FYCO1: variants seen among roughly 807,000 people sequenced by gnomAD.
The protein encoded by FYCO1 is FYVE and coiled-coil domain autophagy adaptor 1, also known as FYVE and coiled-coil domain-containing protein 1.
Under a neutral mutation model 165.1 loss-of-function variants are expected in FYCO1, and 122 were observed. The observed-to-expected ratio is 0.74, with a 90% CI of 0.64 to 0.86. FYCO1 has a LOEUF of 0.86. FYCO1 is among the 40% of genes least tolerant of loss of function. The probability of loss-of-function intolerance (pLI) is 0.00; values close to 1 mark genes in which losing one functional copy is unlikely to be tolerated. For missense variants in FYCO1, 1,702 were observed against 1,810.3 expected (o/e 0.94, Z 1.09); for synonymous variants, 648 against 742.5 (o/e 0.87, Z 2.07).
At chr3:45,947,033 C>G in intron 14 of FYCO1, 1 of 1,614,202 alleles carries the variant, frequency 6.2e-7, no homozygotes, top group Non-Finnish European at 8.5e-7. Context: ...GTTACCATGA[C>G]GAGGCAATTT....
At position 45,964,667 on chromosome 3, in the gene FYCO1, G is replaced by T; in HGVS notation, c.3151-213C>A. On this transcript the variant is annotated intron_variant, in intron 9 of 17. Coordinates refer to ENST00000296137, the MANE Select transcript of FYCO1 (RefSeq NM_024513.4). This position sits in a 1 kb window ranked among gnomAD's most constrained non-coding sequence, Gnocchi z 4.1. The stretch of plus-strand genomic sequence containing the variant: ...GGTGGTTGGCAAGTGGCAGGTACCA[G>T]AATTCCCAGGGTAACACTGAAGGTA... 2.3e-6 allele frequency: 1 copy of T among 432,966 alleles called. No homozygotes were observed. Among genetic ancestry groups the T allele is most frequent in the Non-Finnish European group, 3.1e-6 (1 of 324,644 alleles). The allele number at this position is 432,966 out of a possible 1,614,324, so 26.8% of individuals were successfully genotyped here. A position where few individuals can be genotyped will look rare whatever the true frequency, so the allele number is the denominator to read the frequency against.
At chr3:45,923,239 T>C (rs759697637) in intron 17 of FYCO1, among the ~76,000 whole-genome samples, 1 of 152,246 alleles carries the variant, frequency 6.6e-6, no homozygotes, top group African/African-American at 2.4e-5. Context: ...TTTCTCCCTT[T>C]CTCGTTCATT....
intron 8 of FYCO1, 50 bp from the exon 9 acceptor site, chr3:45,965,175 G>A (rs1705933972): frequency 7.0e-7 from 1 of 1,437,820 alleles, no homozygotes; most frequent in Non-Finnish European, 9.8e-7. Flanking sequence ...TCCTTGCTCT[G>A]AGGATCCCTC....
Position 45,968,521 on chromosome 3 carries a change from C to T in FYCO1, c.813G>A (p.Gly271=). 1.2e-6 allele frequency: 2 copies of T among 1,614,028 alleles called. No homozygotes were observed. Among genetic ancestry groups the T allele is most frequent in the Non-Finnish European group, 1.7e-6 (2 of 1,180,024 alleles). Residue 271 remains glycine (G), a synonymous_variant, in exon 8 of 18, where the codon GGG becomes GGA. Coordinates refer to ENST00000296137, the MANE Select transcript of FYCO1 (RefSeq NM_024513.4). ...QELRAAVSQQ[G]EQLQTERERG... is the part of the protein sequence containing the mutation. ...TCTCCCTCTCTGTCTGCAGTTGCTC[C>T]CCTTGCTGGCTGACAGCTGCCCTCA...
rs749911545 is a variant in FYCO1, at chr3:45,958,436, T to C, written c.3771A>G (p.Ser1257=). The C allele has an allele frequency of 6.2e-7, 1 of 1,612,684 alleles. No individual in the cohort carries two copies. Residue 1257 remains serine, a synonymous_variant, in exon 13 of 18, where the codon TCA becomes TCG. Transcript: ENST00000296137. ...GGCCTCCTGTGGCCTGGGGCCCAGGTGAGGCTGGTGACAGTGCAGGGCTGG... is the reference window on the plus strand; with the variant it reads ...GGCCTCCTGTGGCCTGGGGCCCAGGCGAGGCTGGTGACAGTGCAGGGCTGG... The part of the protein sequence containing the change: ...GEPSPALSPA[S]PGPQATGGQG...
At chr3:45,931,370 G>C in intron 15 of FYCO1, 89 bp from the exon 16 acceptor site, 1 of 1,179,392 alleles carries the variant, frequency 8.5e-7, no homozygotes, top group East Asian at 2.5e-5. Flanking sequence ...GAGGTGGCTG[G>C]AGACTTCGGA....
At chr3:45,952,916 T>C (rs955917533) in intron 14 of FYCO1, among the ~76,000 whole-genome samples, 3 of 152,088 alleles carry the variant, frequency 2.0e-5, no homozygotes, top group East Asian at 1.9e-4. Context: ...CCAGGGACCA[T>C]TGAGCCATGG....
Position 45,966,379 on chromosome 3 carries a change from T to C in FYCO1, c.2955A>G (p.Ala985=), listed in dbSNP as rs1382134548. ...CTTGGAGGCTCTGGGCCCGCTGCTCTGCCTGGGCGAGCTGGGCCTGCAGGC... is the reference window on the plus strand; with the variant it reads ...CTTGGAGGCTCTGGGCCCGCTGCTCCGCCTGGGCGAGCTGGGCCTGCAGGC... ...LPGLQAQLAQ[A]EQRAQSLQEA... is the part of the protein sequence containing the mutation. The change falls in exon 8 of 18, where the codon GCA becomes GCG. Residue 985 remains alanine, a synonymous_variant. Transcript: ENST00000296137. 6 of 1,614,044 alleles carry C rather than the reference T, an allele frequency of 3.7e-6. No individual in the cohort carries two copies. The South Asian group carries it at 4.4e-5, about 12-fold the overall frequency.
chr3:45,938,336 A>C, intron 14 of FYCO1: 2 of 778,004 alleles, frequency 2.6e-6, no homozygotes, highest in South Asian at 2.8e-5. Flanking sequence ...TTTCTTTTCA[A>C]TAGGTTTTCA....
intron 13 of FYCO1, among the ~76,000 whole-genome samples, chr3:45,956,254 T>C (rs1705311485): frequency 6.6e-6 from 1 of 151,926 alleles, no homozygotes; most frequent in South Asian, 2.1e-4. Context: ...GAGAATCACA[T>C]GAACCCAGGA....
chr3:45,930,120 T>C (rs1348559773), intron 16 of FYCO1, among the ~76,000 whole-genome samples: 1 of 152,240 alleles, frequency 6.6e-6, no homozygotes, highest in East Asian at 1.9e-4. Context: ...TCTTGCAAAA[T>C]GGAGATTTCT....
chr3:45,921,619 C>A lies in FYCO1; in HGVS notation c.*146G>T, dbSNP rs1559436741. Reference sequence around the variant, plus strand: ...CGGTGCAGAGTGCTGAGCACAAAGTCCTCCCCAGACACCGCCTCTGAGGGG... The same window carrying A: ...CGGTGCAGAGTGCTGAGCACAAAGTACTCCCCAGACACCGCCTCTGAGGGG... On this transcript the variant is annotated 3_prime_UTR_variant, in exon 18 of 18. Coordinates refer to ENST00000296137, the MANE Select transcript of FYCO1 (RefSeq NM_024513.4). 2 of 692,254 alleles carry A rather than the reference C, an allele frequency of 2.9e-6. No homozygotes were observed. The highest frequency in any genetic ancestry group is 5.3e-6 in the Non-Finnish European group (2 of 376,442). The allele number at this position is 692,254 out of a possible 1,614,324, so 42.9% of individuals were successfully genotyped here.
Position 45,989,443 on chromosome 3 carries a change from A to C in FYCO1, c.-112-4421T>G, listed in dbSNP as rs569961152. ...CCAGGGGCTGGAACAATCAGTGGGC[A>C]GGCAGACTGCCCTTCCCAGAGCTTC... On this transcript the variant is annotated intron_variant, in intron 1 of 17. Transcript: ENST00000296137. Among the ~76,000 whole-genome samples, 5 of 152,338 alleles carry C rather than the reference A, an allele frequency of 3.3e-5. No homozygotes were observed. The South Asian group carries it at 1.0e-3, about 32-fold the overall frequency.
At position 45,994,990 on chromosome 3, in the gene FYCO1, C is replaced by T. The variant is rs368239755; in HGVS notation, c.-113+732G>A. Reference sequence around the variant, plus strand: ...CTTTAACAGGGGGCCACGCGGTTAACGTGTCAACCACATGTGCTTTTCTTA... The same window carrying T: ...CTTTAACAGGGGGCCACGCGGTTAATGTGTCAACCACATGTGCTTTTCTTA... On this transcript the variant is annotated intron_variant, in intron 1 of 17. Coordinates refer to ENST00000296137, the MANE Select transcript of FYCO1 (RefSeq NM_024513.4). 1.5e-4 allele frequency among the ~76,000 whole-genome samples: 23 copies of T among 152,236 alleles called. No homozygotes were observed. In the South Asian group the frequency reaches 4.4e-3, roughly 29 times the overall value.
rs376883388 is a variant in FYCO1, at chr3:45,969,715, C to A, written c.590G>T (p.Arg197Leu). The A allele has an allele frequency of 5.6e-6, 9 of 1,614,026 alleles. No individual in the cohort carries two copies. The Admixed American group carries it at 1.5e-4, about 27-fold the overall frequency. ...SSAYLWKPPS[R>L]SSSMSSLVSS... Reference sequence around the variant, plus strand: ...CACCAAGCTGCTCATGCTGGAGCTGCGGCTAGGGGGTTTCCACAGGTAAGC... The same window carrying A: ...CACCAAGCTGCTCATGCTGGAGCTGAGGCTAGGGGGTTTCCACAGGTAAGC... The change falls in exon 7 of 18, where the codon CGC becomes CTC. Residue 197 changes from arginine (R) to leucine (L), a missense_variant. Arg to Leu is a moderately radical substitution (Grantham distance 102). Coordinates refer to ENST00000296137, the MANE Select transcript of FYCO1 (RefSeq NM_024513.4).
intron 16 of FYCO1, among the ~76,000 whole-genome samples, chr3:45,925,805 G>T (rs1703296056): frequency 1.3e-5 from 2 of 152,088 alleles, no homozygotes; most frequent in South Asian, 4.2e-4. Flanking sequence ...GAATGCCAGG[G>T]GAAACTTCTT....
At chr3:45,930,323 C>G (rs1703528899) in intron 16 of FYCO1, among the ~76,000 whole-genome samples, 1 of 152,192 alleles carries the variant, frequency 6.6e-6, no homozygotes, top group South Asian at 2.1e-4. Context: ...AGGCATGGGT[C>G]TCCCTTCTCC....
chr3:45,922,692 T>C (rs1575322273), intron 17 of FYCO1, among the ~76,000 whole-genome samples: 1 of 152,104 alleles, frequency 6.6e-6, no homozygotes, highest in African/African-American at 2.4e-5. Context: ...GGGAAGTTCA[T>C]CTTCCAACCC....
At chr3:45,953,020 G>C (rs1705116994) in intron 14 of FYCO1, among the ~76,000 whole-genome samples, 1 of 152,212 alleles carries the variant, frequency 6.6e-6, no homozygotes, top group Admixed American at 6.5e-5. Flanking sequence ...AGTGACAGAA[G>C]TAGACATGAT....
Sources: allele counts gnomAD v4.1 joint callset (sites outside exome capture counted in the v4.1 genomes callset), GRCh38; gene constraint gnomAD v4.1.1; non-coding constraint Gnocchi (gnomAD v3.1); transcripts MANE v1.5; gene names NCBI Gene and HGNC (gene_info 2026-07-23, HGNC 2026-07-21).